GNG4: variants seen among roughly 807,000 people sequenced by gnomAD.
The protein encoded by GNG4 is guanine nucleotide-binding protein G(I)/G(S)/G(O) subunit gamma-4.
GNG4 carries 4 observed loss-of-function variants against 5.8 expected under a neutral mutation model. That is an observed-to-expected ratio of 0.69 (90% confidence interval 0.34 to 1.57). The LOEUF is 1.57. Among genes scored for constraint, GNG4 ranks in the 40% most tolerant of loss-of-function variants. The pLI, the probability that GNG4 is intolerant of heterozygous loss-of-function variation, is 0.06. For missense variants in GNG4, 96 were observed against 95.1 expected, an observed-to-expected ratio of 1.01 and a Z score of -0.04; for synonymous variants, 29 against 32.9, an observed-to-expected ratio of 0.88 and a Z score of 0.41.
chr1:235,579,705 G>C (rs2102937646), intron 3 of GNG4, among the ~76,000 whole-genome samples: 1 of 152,082 alleles, frequency 6.6e-6, no homozygotes, highest in East Asian at 1.9e-4. Flanking sequence ...ACAAAAATTA[G>C]CTGGGTGTAG....
intron 1 of GNG4, among the ~76,000 whole-genome samples, chr1:235,597,345 G>T (rs1282424517): frequency 6.6e-6 from 1 of 152,158 alleles, no homozygotes; most frequent in Non-Finnish European, 1.5e-5. Context: ...TTGAAGTTGT[G>T]CTTGGTGCAT....
At chr1:235,628,104 C>T (rs1191804512) in intron 1 of GNG4, among the ~76,000 whole-genome samples, 2 of 152,072 alleles carry the variant, frequency 1.3e-5, no homozygotes, top group African/African-American at 2.4e-5. Flanking sequence ...GGCTTGAACC[C>T]GGGAGGTGGA....
At chr1:235,631,426 C>A (rs1688929390) in intron 1 of GNG4, among the ~76,000 whole-genome samples, 1 of 152,214 alleles carries the variant, frequency 6.6e-6, no homozygotes, top group Admixed American at 6.5e-5. Flanking sequence ...CTGAGAACCT[C>A]TGGGAAGCAC....
At chr1:235,558,843 G>C (rs1454620793) in intron 3 of GNG4, among the ~76,000 whole-genome samples, 1 of 152,140 alleles carries the variant, frequency 6.6e-6, no homozygotes, top group Non-Finnish European at 1.5e-5. Context: ...AACTGTTAGA[G>C]TTACAAGACA....
chr1:235,575,343 G>C (rs1461272404), intron 3 of GNG4, among the ~76,000 whole-genome samples: 1 of 152,178 alleles, frequency 6.6e-6, no homozygotes, highest in Admixed American at 6.5e-5. Flanking sequence ...ATTTATAATA[G>C]GTTTATTGAG....
At chr1:235,643,054 C>T (rs972843445) in intron 1 of GNG4, among the ~76,000 whole-genome samples, 2 of 152,300 alleles carry the variant, frequency 1.3e-5, no homozygotes, top group South Asian at 2.1e-4. Context: ...CACCCTTGGG[C>T]GTTATCCAGT....
chr1:235,627,769 A>G (rs1363382048), intron 1 of GNG4, among the ~76,000 whole-genome samples: 2 of 152,204 alleles, frequency 1.3e-5, no homozygotes, highest in Non-Finnish European at 2.9e-5. Context: ...ACTGGAGTAT[A>G]CTGAACTCTT....
intron 3 of GNG4, among the ~76,000 whole-genome samples, chr1:235,570,945 C>CACACACACAT (rs535079462): frequency 0.02 from 2,332 of 115,504 alleles, 53 homozygotes; most frequent in East Asian, 0.08. Flanking sequence ...CACACACACA[C>CACACACACAT]ATATATATAT....
chr1:235,573,282 C>T (rs998811980), intron 3 of GNG4, among the ~76,000 whole-genome samples: 4 of 137,444 alleles, frequency 2.9e-5, no homozygotes, highest in African/African-American at 1.1e-4. Context: ...AACAATATCG[C>T]TTGGGCACAG....
chr1:235,562,272 A>G (rs1687084271), intron 3 of GNG4, among the ~76,000 whole-genome samples: 1 of 152,144 alleles, frequency 6.6e-6, no homozygotes, highest in Admixed American at 6.6e-5. Flanking sequence ...CTCCTTCAGT[A>G]TTTTATTGGC....
chr1:235,620,864 T>C (rs1466434960), intron 1 of GNG4, among the ~76,000 whole-genome samples: 1 of 152,212 alleles, frequency 6.6e-6, no homozygotes, highest in Non-Finnish European at 1.5e-5. Context: ...TTTGTACATC[T>C]AGAAGTCTAA....
At chr1:235,597,628 G>GTGTGTGTA (rs772061855) in intron 1 of GNG4, among the ~76,000 whole-genome samples, 4,210 of 72,198 alleles carry the variant, frequency 0.058, 173 homozygotes, top group Non-Finnish European at 0.086. Flanking sequence ...GTGTGTGTGT[G>GTGTGTGTA]TATTTTTTTT....
chr1:235,552,356 C>T (rs1397957981), intron 3 of GNG4, 119 bp from the exon 4 acceptor site: 1 of 897,204 alleles, frequency 1.1e-6, no homozygotes, highest in South Asian at 1.5e-5. Flanking sequence ...GTGTGCACGG[C>T]CTACAACATG....
intron 1 of GNG4, among the ~76,000 whole-genome samples, chr1:235,601,300 G>A (rs977817052): frequency 2.0e-5 from 3 of 152,150 alleles, no homozygotes; most frequent in Non-Finnish European, 2.9e-5. Flanking sequence ...AGTGGTGCTC[G>A]GCTTTGAGGC....
At position 235,637,412 on chromosome 1, in the gene GNG4, G is replaced by A. The variant is rs191990260; in HGVS notation, c.-123+12250C>T. Among the ~76,000 whole-genome samples, 130 of 152,086 alleles carry A rather than the reference G, an allele frequency of 8.5e-4. 1 individual carries two copies. Among genetic ancestry groups the A allele is most frequent in the African/African-American group, 3.1e-3 (128 of 41,500 alleles). ...TCACACCTGTAATCCCAGCACTTTC[G>A]GAGGCCAAGGTGGGGGGATCACTTG... On this transcript the variant is annotated intron_variant, in intron 1 of 3. Coordinates refer to ENST00000391854, the MANE Select transcript of GNG4 (RefSeq NM_001098722.2).
At chr1:235,581,279 T>G (rs939326834) in intron 3 of GNG4, among the ~76,000 whole-genome samples, 1 of 151,934 alleles carries the variant, frequency 6.6e-6, no homozygotes. Flanking sequence ...TAAAAGTGTG[T>G]AGCACCTTGG....
chr1:235,628,993 A>ATTTTTTTTTTTTTTTTTTTTT (rs1054950474), intron 1 of GNG4, among the ~76,000 whole-genome samples: 3 of 118,364 alleles, frequency 2.5e-5, no homozygotes, highest in African/African-American at 9.1e-5. Flanking sequence ...ATTTGCTTGA[A>ATTTTTTTTTTTTTTTTTTTTT]TTTTTTTTTT....
At chr1:235,646,713 A>C (rs1354910143) in intron 1 of GNG4, among the ~76,000 whole-genome samples, 1 of 152,102 alleles carries the variant, frequency 6.6e-6, no homozygotes, top group Non-Finnish European at 1.5e-5. Context: ...TCTGCATGGC[A>C]CCTGTCACTC....
chr1:235,593,616 C>T (rs921081458), intron 2 of GNG4, among the ~76,000 whole-genome samples: 2 of 152,160 alleles, frequency 1.3e-5, no homozygotes, highest in Non-Finnish European at 2.9e-5. Context: ...TTAAAGGCGG[C>T]GTGTCCGGAG....
Sources: allele counts gnomAD v4.1 joint callset (sites outside exome capture counted in the v4.1 genomes callset), GRCh38; gene constraint gnomAD v4.1.1; transcripts MANE v1.5; gene names NCBI Gene and HGNC (gene_info 2026-07-23, HGNC 2026-07-21).